TXNDC16: variants seen among roughly 807,000 people sequenced by gnomAD.
TXNDC16 encodes the protein thioredoxin domain containing 16.
In TXNDC16, 74 loss-of-function variants were observed where a neutral mutation model predicts 85.6. The ratio of observed to expected loss-of-function variants is 0.86; its 90% CI spans 0.72 to 1.05. TXNDC16 has a LOEUF of 1.05. TXNDC16 is among the 50% of genes least tolerant of loss of function. The pLI, the probability that TXNDC16 is intolerant of heterozygous loss-of-function variation, is 0.00. For missense variants in TXNDC16, 959 were observed against 947.0 expected (o/e 1.01, Z -0.17); for synonymous variants, 335 against 326.5 (o/e 1.03, Z -0.28).
intron 16 of TXNDC16, among the ~76,000 whole-genome samples, chr14:52,463,299 C>A (rs1330721963): frequency 1.3e-5 from 2 of 152,006 alleles, no homozygotes; most frequent in Non-Finnish European, 1.5e-5. Flanking sequence ...CCAGTGGCTG[C>A]GAGAGAGCAA....
chr14:52,483,740 T>C (rs770050277), intron 12 of TXNDC16, among the ~76,000 whole-genome samples: 2 of 152,204 alleles, frequency 1.3e-5, no homozygotes, highest in Admixed American at 6.5e-5. Context: ...GACCAATCAA[T>C]AGACTGATAG....
rs1277063544 is a variant in TXNDC16 at position 52,519,214 on chromosome 14, C to CTT, written c.470_471dup (p.Ala158LysfsTer9). 1 of 1,611,476 alleles carries CTT rather than the reference C, an allele frequency of 6.2e-7. No homozygotes were observed. Among genetic ancestry groups the CTT allele is most frequent in the Non-Finnish European group, 8.5e-7 (1 of 1,178,938 alleles). On this transcript the variant is annotated frameshift_variant, in exon 7 of 21. Transcript: ENST00000281741. LOFTEE classifies it high-confidence loss of function. ...CTTACATATGAGAATATAATATTTG[C>CTT]TTTTCCTTTCAGAGCATTTTCTATG...
chr14:52,491,483 C>T (rs1396765942), intron 9 of TXNDC16, among the ~76,000 whole-genome samples: 1 of 151,494 alleles, frequency 6.6e-6, no homozygotes, highest in African/African-American at 2.4e-5. Flanking sequence ...CAGGCATGAG[C>T]CATCGTGCCT....
At chr14:52,488,332 T>A (rs772473780) in intron 12 of TXNDC16, 31 bp downstream of exon 12, 8 of 1,608,192 alleles carry the variant, frequency 5.0e-6, no homozygotes, top group Middle Eastern at 3.4e-4. Context: ...CTGGGCAGGA[T>A]GGGGAAGGGG....
Position 52,432,265 on chromosome 14 carries a change from T to C in TXNDC16, c.*39A>G, listed in dbSNP as rs940748030. On this transcript the variant is annotated 3_prime_UTR_variant, in exon 21 of 21. Transcript: ENST00000281741. Reference sequence around the variant, plus strand: ...TCTTTAAGGAAATAAATTAAGTCTATCATGCCAAAAAAATTTTGGAAACCA... The same window carrying C: ...TCTTTAAGGAAATAAATTAAGTCTACCATGCCAAAAAAATTTTGGAAACCA... 1 of 1,539,362 alleles carries C rather than the reference T, an allele frequency of 6.5e-7. No homozygotes were observed. The highest frequency in any genetic ancestry group is 2.1e-5 in the Admixed American group (1 of 47,244).
chr14:52,529,699 TAA>T lies in TXNDC16; in HGVS notation c.392+7018_392+7019del, dbSNP rs1443498157. Among the ~76,000 whole-genome samples, 94 of 113,090 alleles carry T rather than the reference TAA, an allele frequency of 8.3e-4. 4 individuals are homozygous for T. Among genetic ancestry groups the T allele is most frequent in the African/African-American group, 3.3e-3 (89 of 26,968 alleles). The allele number at this position is 113,090 out of a possible 152,430, so 74.2% of individuals were successfully genotyped here. A position where few individuals can be genotyped will look rare whatever the true frequency, so the allele number is the denominator to read the frequency against. On this transcript the variant is annotated intron_variant, in intron 6 of 20. Transcript: ENST00000281741. ...TAATATATATAATGCCTATTATATA[TAA>T]TATATATAATGCCTATTATATATAT... is the stretch of plus-strand genomic sequence containing the variant.
intron 7 of TXNDC16, 131 bp from the exon 8 acceptor site, chr14:52,515,101 G>T (rs866641949): frequency 7.5e-6 from 4 of 536,366 alleles, no homozygotes; most frequent in Admixed American, 3.8e-5. Flanking sequence ...CCTTCACAGG[G>T]ATACTAGTTG....
intron 8 of TXNDC16, among the ~76,000 whole-genome samples, 165 bp downstream of exon 8, chr14:52,514,715 T>A (rs117070263): frequency 2.6e-5 from 4 of 152,152 alleles, no homozygotes; most frequent in Non-Finnish European, 5.9e-5. Flanking sequence ...CAGCAGACTA[T>A]AGTAATAAAG....
Position 52,531,318 on chromosome 14 carries a change from G to A in TXNDC16, c.392+5401C>T, listed in dbSNP as rs77174968. Reference sequence around the variant, plus strand: ...ACAGTCCAGCAATCACACTCCTTTCGTATTTACCCAAAGGAGTTGGAAACT... The same window carrying A: ...ACAGTCCAGCAATCACACTCCTTTCATATTTACCCAAAGGAGTTGGAAACT... On this transcript the variant is annotated intron_variant, in intron 6 of 20. Coordinates refer to ENST00000281741, the MANE Select transcript of TXNDC16 (RefSeq NM_020784.3). Among the ~76,000 whole-genome samples, 538 of 152,142 alleles carry A rather than the reference G, an allele frequency of 3.5e-3. 2 individuals are homozygous for A. Among genetic ancestry groups the A allele is most frequent in the African/African-American group, 0.013 (525 of 41,508 alleles).
At chr14:52,504,221 A>G (rs184447483) in intron 9 of TXNDC16, among the ~76,000 whole-genome samples, 7,449 of 152,160 alleles carry the variant, frequency 0.049, 231 homozygotes, top group Middle Eastern at 0.075. Flanking sequence ...TACAGAGAAC[A>G]CCACAAACAT....
intron 9 of TXNDC16, among the ~76,000 whole-genome samples, chr14:52,501,566 G>T (rs765419644): frequency 2.0e-5 from 3 of 152,100 alleles, no homozygotes; most frequent in Non-Finnish European, 2.9e-5. Context: ...ATAACAGGGG[G>T]AATGAGCTTC....
chr14:52,548,104 C>T (rs1363273404), intron 1 of TXNDC16, among the ~76,000 whole-genome samples: 1 of 152,154 alleles, frequency 6.6e-6, no homozygotes, highest in African/African-American at 2.4e-5. Flanking sequence ...GTCTGTCAGC[C>T]CAAGTCCCAG....
chr14:52,466,349 C>A (rs1381696072), intron 16 of TXNDC16, among the ~76,000 whole-genome samples: 1 of 129,348 alleles, frequency 7.7e-6, no homozygotes, highest in Non-Finnish European at 1.6e-5. Flanking sequence ...GCTGAGATCA[C>A]ACCACTGCAC....
chr14:52,543,316 A>G, intron 3 of TXNDC16, 82 bp downstream of exon 3: 1 of 1,428,596 alleles, frequency 7.0e-7, no homozygotes, highest in Non-Finnish European at 9.5e-7. Flanking sequence ...ATTAATCTTA[A>G]CAGAAATTTC....
intron 6 of TXNDC16, among the ~76,000 whole-genome samples, chr14:52,530,448 T>TTA (rs1186304141): frequency 2.6e-3 from 17 of 6,608 alleles, no homozygotes; most frequent in East Asian, 0.015. Flanking sequence ...TAATATATTA[T>TTA]TATATAATAA....
At chr14:52,467,603 T>C (rs1413973481) in intron 16 of TXNDC16, among the ~76,000 whole-genome samples, 2 of 152,124 alleles carry the variant, frequency 1.3e-5, no homozygotes, top group Non-Finnish European at 2.9e-5. Flanking sequence ...ATAACGAATA[T>C]TGGCAAGGAT....
At chr14:52,537,017 AG>A (rs2037717472) in intron 5 of TXNDC16, among the ~76,000 whole-genome samples, 1 of 151,980 alleles carries the variant, frequency 6.6e-6, no homozygotes, top group Non-Finnish European at 1.5e-5. Flanking sequence ...CAAAAAGGCT[AG>A]AAAAAAATAG....
chr14:52,471,086 C>T (rs898877158), intron 14 of TXNDC16, among the ~76,000 whole-genome samples: 7 of 152,292 alleles, frequency 4.6e-5, no homozygotes, highest in South Asian at 2.1e-4. Flanking sequence ...TTCCTTTGAA[C>T]GGAAACCTCC....
Position 52,543,698 on chromosome 14 carries a change from A to G in TXNDC16, c.-73-68T>C, listed in dbSNP as rs962684442. 8 of 947,902 alleles carry G rather than the reference A, an allele frequency of 8.4e-6. No homozygotes were observed. In the South Asian group the frequency reaches 1.3e-4, roughly 16 times the overall value. 58.7% of individuals were successfully genotyped at this position (947,902 alleles called of 1,614,324 possible). On this transcript the variant is annotated intron_variant, in intron 2 of 20. Coordinates refer to ENST00000281741, the MANE Select transcript of TXNDC16 (RefSeq NM_020784.3). ...TTGTTAAATGAATGAATGAAGTAAA[A>G]TCTACAAAAAGAAAGTCATTAGTCA...
Sources: gnomAD v4.1 joint callset for allele counts (sites outside exome capture counted in the v4.1 genomes callset) on GRCh38, gnomAD v4.1.1 for gene constraint, MANE v1.5 for transcripts, NCBI Gene and HGNC (gene_info 2026-07-23, HGNC 2026-07-21) for gene names.